Variants in SCFD2 observed in about 807,000 individuals in gnomAD.
The protein encoded by SCFD2 is sec1 family domain-containing protein 2.
SCFD2 carries 54 observed loss-of-function variants against 58.9 expected under a neutral mutation model. That is an observed-to-expected ratio of 0.92 (90% CI 0.74 to 1.15). The LOEUF is 1.15. Among genes scored for constraint, SCFD2 ranks in the 50% most tolerant of loss-of-function variants. SCFD2 has a pLI of 0.00. For synonymous variants in SCFD2, 321 were observed against 335.9 expected (o/e 0.96, Z 0.49); for missense variants, 805 against 836.6 (o/e 0.96, Z 0.47).
chr4:52,915,573 G>T (rs1226316949), intron 6 of SCFD2, among the ~76,000 whole-genome samples: 2 of 152,012 alleles, frequency 1.3e-5, no homozygotes, highest in Non-Finnish European at 2.9e-5. Flanking sequence ...TGGTTCATTT[G>T]TCTGTCTGTT....
intron 5 of SCFD2, among the ~76,000 whole-genome samples, chr4:53,052,071 T>C (rs1331510691): frequency 6.6e-6 from 1 of 152,150 alleles, no homozygotes; most frequent in African/African-American, 2.4e-5. Context: ...AAATATGACA[T>C]TATTCCCCTT....
At chr4:53,280,168 G>T (rs1033099496) in intron 3 of SCFD2, among the ~76,000 whole-genome samples, 3 of 152,108 alleles carry the variant, frequency 2.0e-5, no homozygotes, top group Non-Finnish European at 2.9e-5. Flanking sequence ...CAGTCTGTCA[G>T]ATTTGATTTA....
chr4:53,327,004 GA>G (rs112109042), intron 2 of SCFD2, among the ~76,000 whole-genome samples: 3 of 122,334 alleles, frequency 2.5e-5, no homozygotes, highest in African/African-American at 8.7e-5. Flanking sequence ...GTCCAAATAA[GA>G]AAAAAAAAAA....
chr4:52,992,226 G>A (rs1215289617), intron 5 of SCFD2, among the ~76,000 whole-genome samples: 3 of 152,174 alleles, frequency 2.0e-5, no homozygotes, highest in African/African-American at 4.8e-5. Flanking sequence ...ACGGGGTTTC[G>A]CTGTGTTGGC....
intron 4 of SCFD2, among the ~76,000 whole-genome samples, chr4:53,176,882 A>C (rs541038529): frequency 2.0e-5 from 3 of 151,554 alleles, no homozygotes; most frequent in Admixed American, 6.6e-5. Flanking sequence ...CCGGGAGGCA[A>C]AGGTTGCAGT....
chr4:52,920,694 TAGA>T (rs3833975), intron 6 of SCFD2, 28 bp downstream of exon 6: 66,155 of 1,497,376 alleles, frequency 0.044, 2,027 homozygotes, highest in South Asian at 0.13. Flanking sequence ...TACAACAGAT[TAGA>T]AGGTTACTTT....
chr4:52,962,482 G>A (rs17082225), intron 5 of SCFD2, among the ~76,000 whole-genome samples: 46,084 of 151,992 alleles, frequency 0.3, 7,130 homozygotes, highest in East Asian at 0.42. Flanking sequence ...TATAAATGTC[G>A]TCTGTAGGTT....
At chr4:53,181,258 T>TA (rs1457055046) in intron 4 of SCFD2, among the ~76,000 whole-genome samples, 1 of 152,162 alleles carries the variant, frequency 6.6e-6, no homozygotes, top group Non-Finnish European at 1.5e-5. Flanking sequence ...AAATCCTCAA[T>TA]AAAATCCTGC....
At chr4:52,964,666 T>C (rs966867970) in intron 5 of SCFD2, among the ~76,000 whole-genome samples, 27 of 151,570 alleles carry the variant, frequency 1.8e-4, no homozygotes, top group Non-Finnish European at 1.6e-4. Context: ...GCCAAAGTAA[T>C]ATTGACCTTG....
chr4:53,306,253 T>C (rs1197899096), intron 3 of SCFD2, among the ~76,000 whole-genome samples: 5 of 152,138 alleles, frequency 3.3e-5, no homozygotes, highest in African/African-American at 4.8e-5. Flanking sequence ...GTGGCAGTCA[T>C]TAAGTAGCAT....
At chr4:53,096,279 T>G (rs1724630392) in intron 5 of SCFD2, among the ~76,000 whole-genome samples, 4 of 152,222 alleles carry the variant, frequency 2.6e-5, no homozygotes, top group Admixed American at 2.6e-4. Context: ...TCTAGATCCT[T>G]GAGGAATCGC....
chr4:53,305,963 T>C (rs2149104356), intron 3 of SCFD2, among the ~76,000 whole-genome samples: 1 of 152,332 alleles, frequency 6.6e-6, no homozygotes, highest in Middle Eastern at 3.4e-3. Flanking sequence ...TATTTATTAA[T>C]TCCGTAAACA....
Position 53,004,164 on chromosome 4 carries a change from C to A in SCFD2, c.1562-83294G>T, listed in dbSNP as rs554264309. On this transcript the variant is annotated intron_variant, in intron 5 of 8. Transcript: ENST00000401642. ...CAAAAGGAAACTGAATAAGAACATG[C>A]ACACGATATGTGGTCAGTGATGGAG... Among the ~76,000 whole-genome samples the A allele has an allele frequency of 5.9e-5, 9 of 152,272 alleles. 1 individual carries two copies. The highest frequency in any genetic ancestry group is 1.5e-5 in the Non-Finnish European group (1 of 68,022).
At chr4:53,034,403 A>G (rs534813656) in intron 5 of SCFD2, among the ~76,000 whole-genome samples, 1 of 152,292 alleles carries the variant, frequency 6.6e-6, no homozygotes, top group African/African-American at 2.4e-5. Flanking sequence ...ATTCCCTTTG[A>G]AAACCAGCAC....
chr4:52,997,524 G>C (rs552611275), intron 5 of SCFD2, among the ~76,000 whole-genome samples: 1 of 152,244 alleles, frequency 6.6e-6, no homozygotes, highest in East Asian at 1.9e-4. Context: ...GGGAGCTCTG[G>C]AGTGGATAAG....
chr4:52,898,604 C>T (rs187000871), intron 7 of SCFD2, among the ~76,000 whole-genome samples: 77 of 152,120 alleles, frequency 5.1e-4, no homozygotes, highest in Admixed American at 9.8e-4. Context: ...AGGTGTGGTG[C>T]GGTGCTGAAA....
intron 4 of SCFD2, among the ~76,000 whole-genome samples, chr4:53,223,662 A>G (rs1729115014): frequency 6.6e-6 from 1 of 152,224 alleles, no homozygotes; most frequent in Non-Finnish European, 1.5e-5. Flanking sequence ...TGGCTTGCCT[A>G]GATGCAATTA....
intron 4 of SCFD2, among the ~76,000 whole-genome samples, chr4:53,151,538 A>G (rs1309058000): frequency 6.6e-6 from 1 of 152,154 alleles, no homozygotes; most frequent in Non-Finnish European, 1.5e-5. Context: ...TTGTCTCTGT[A>G]CTGGCTACCT....
At chr4:53,099,353 A>G (rs1724762906) in intron 5 of SCFD2, among the ~76,000 whole-genome samples, 1 of 152,194 alleles carries the variant, frequency 6.6e-6, no homozygotes, top group South Asian at 2.1e-4. Flanking sequence ...GTAACCATCA[A>G]ACCCATAATT....
Sources: allele counts gnomAD v4.1 joint callset (sites outside exome capture counted in the v4.1 genomes callset), GRCh38; gene constraint gnomAD v4.1.1; transcripts MANE v1.5; gene names NCBI Gene and HGNC (gene_info 2026-07-23, HGNC 2026-07-21).